ERP44: variants seen among roughly 807,000 people sequenced by gnomAD.
ERP44 encodes the protein endoplasmic reticulum resident protein 44.
Under a neutral mutation model 53.4 loss-of-function variants are expected in ERP44, and 25 were observed. The ratio of observed to expected loss-of-function variants is 0.47; its 90% CI spans 0.34 to 0.65. The LOEUF is 0.65. Among genes scored for constraint, ERP44 ranks in the 30% least tolerant of loss-of-function variants. The pLI is 0.01. For missense variants in ERP44, 338 were observed against 493.2 expected (o/e 0.69, Z 2.98); for synonymous variants, 145 against 161.2 (o/e 0.90, Z 0.76).
chr9:100,022,266 T>C (rs761380070), intron 4 of ERP44, 40 bp from the exon 5 acceptor site: 33 of 1,557,522 alleles, frequency 2.1e-5, no homozygotes, highest in Non-Finnish European at 2.6e-5. Context: ...TCATATGTAG[T>C]CAGGGCAAGC....
intron 1 of ERP44, among the ~76,000 whole-genome samples, chr9:100,062,265 T>C (rs1044979031): frequency 1.3e-5 from 2 of 152,226 alleles, no homozygotes; most frequent in Admixed American, 6.5e-5. Flanking sequence ...TTATATTAAA[T>C]AAATTTGTAT....
chr9:100,098,689 C>A, intron 1 of ERP44, 95 bp downstream of exon 1: 1 of 1,059,608 alleles, frequency 9.4e-7, no homozygotes, highest in South Asian at 1.3e-5. Flanking sequence ...CAGGAAAAGA[C>A]GGAAAAGCAG....
chr9:100,029,251 C>T (rs1480727853), intron 4 of ERP44, among the ~76,000 whole-genome samples: 2 of 152,084 alleles, frequency 1.3e-5, no homozygotes, highest in African/African-American at 4.8e-5. Context: ...AAGAGGCAAC[C>T]TGAGAATTAG....
At chr9:100,005,076 T>C (rs1048717323) in intron 10 of ERP44, among the ~76,000 whole-genome samples, 2 of 152,224 alleles carry the variant, frequency 1.3e-5, no homozygotes, top group Admixed American at 1.3e-4. Flanking sequence ...GTAAGGACTT[T>C]CATGTGTTAG....
chr9:99,979,931 T>C lies in ERP44; in HGVS notation c.*2681A>G, dbSNP rs1830130891. The C allele has an allele frequency of 5.0e-6, 2 of 398,488 alleles. No individual in the cohort carries two copies. Among genetic ancestry groups the C allele is most frequent in the Non-Finnish European group, 8.9e-6 (2 of 225,972 alleles). The allele number at this position is 398,488 out of a possible 1,614,324, so 24.7% of individuals were successfully genotyped here. A position where few individuals can be genotyped will look rare whatever the true frequency, so the allele number is the denominator to read the frequency against. ...CCTACAATATATACTACAAACCCCT[T>C]AGTCTGGCACACAAGGCCCTGTGTG... is the stretch of plus-strand genomic sequence containing the variant. On this transcript the variant is annotated 3_prime_UTR_variant, in exon 12 of 12. Transcript: ENST00000262455.
intron 4 of ERP44, among the ~76,000 whole-genome samples, chr9:100,049,377 G>A (rs1826012412): frequency 1.3e-5 from 2 of 152,142 alleles, no homozygotes; most frequent in South Asian, 4.2e-4. Flanking sequence ...CAGCCTGGGC[G>A]AGACAGTGAG....
intron 10 of ERP44, among the ~76,000 whole-genome samples, chr9:100,004,660 G>A (rs1299225634): frequency 6.6e-6 from 1 of 152,128 alleles, no homozygotes; most frequent in Non-Finnish European, 1.5e-5. Flanking sequence ...TGGGGTTGGG[G>A]GAGGGGTGGT....
intron 4 of ERP44, among the ~76,000 whole-genome samples, chr9:100,044,942 G>A (rs577565859): frequency 2.0e-5 from 3 of 152,158 alleles, no homozygotes; most frequent in South Asian, 2.1e-4. Flanking sequence ...AGAAATGGGC[G>A]AATTCTCCAT....
chr9:100,048,975 T>G (rs1392182117), intron 4 of ERP44, among the ~76,000 whole-genome samples: 1 of 152,244 alleles, frequency 6.6e-6, no homozygotes, highest in Non-Finnish European at 1.5e-5. Context: ...AGTATTAAAT[T>G]GTACAATTTA....
intron 1 of ERP44, among the ~76,000 whole-genome samples, chr9:100,068,706 G>C (rs1587980416): frequency 6.8e-6 from 1 of 147,706 alleles, no homozygotes. Flanking sequence ...CCCCGTCCGG[G>C]AGGTGAGGGG....
intron 4 of ERP44, among the ~76,000 whole-genome samples, chr9:100,026,206 C>G (rs1226783483): frequency 6.6e-6 from 1 of 152,128 alleles, no homozygotes; most frequent in Non-Finnish European, 1.5e-5. Flanking sequence ...ATATACAAAC[C>G]TGGGGAGTTG....
intron 10 of ERP44, among the ~76,000 whole-genome samples, chr9:100,006,220 AT>A (rs765550633): frequency 1.3e-5 from 2 of 152,130 alleles, no homozygotes; most frequent in African/African-American, 2.4e-5. Flanking sequence ...CAAGACAAAA[AT>A]TTTCTTTGAG....
At chr9:100,043,572 T>C (rs1472830315) in intron 4 of ERP44, among the ~76,000 whole-genome samples, 1 of 151,954 alleles carries the variant, frequency 6.6e-6, no homozygotes, top group Non-Finnish European at 1.5e-5. Context: ...CTGGCCAACA[T>C]GGTGAGACCC....
At chr9:100,048,100 CCA>C (rs2118700567) in intron 4 of ERP44, among the ~76,000 whole-genome samples, 1 of 151,934 alleles carries the variant, frequency 6.6e-6, no homozygotes, top group African/African-American at 2.4e-5. Context: ...AAAATAGAGC[CCA>C]CAGAGTCACA....
intron 1 of ERP44, among the ~76,000 whole-genome samples, chr9:100,060,924 G>C (rs953920153): frequency 6.6e-6 from 1 of 152,152 alleles, no homozygotes; most frequent in Non-Finnish European, 1.5e-5. Context: ...TTGAAATAGA[G>C]TTTGTGTATG....
chr9:100,064,108 G>A (rs964685202), intron 1 of ERP44, among the ~76,000 whole-genome samples: 2 of 151,804 alleles, frequency 1.3e-5, no homozygotes, highest in African/African-American at 4.8e-5. Flanking sequence ...CTTTCTATAG[G>A]GTGTTAACAT....
intron 1 of ERP44, among the ~76,000 whole-genome samples, chr9:100,077,087 C>T (rs1045587738): frequency 6.6e-6 from 1 of 152,178 alleles, no homozygotes; most frequent in Admixed American, 6.5e-5. Context: ...TATACTGGAC[C>T]TCTTCTATCA....
intron 1 of ERP44, among the ~76,000 whole-genome samples, chr9:100,060,562 C>T (rs900029864): frequency 1.3e-5 from 2 of 152,142 alleles, no homozygotes; most frequent in African/African-American, 4.8e-5. Context: ...CTGATTCTAT[C>T]CTGCCATGTT....
At chr9:100,021,964 C>T (rs1564091670) in intron 5 of ERP44, 78 bp downstream of exon 5, 8 of 1,304,794 alleles carry the variant, frequency 6.1e-6, no homozygotes, top group Admixed American at 1.9e-5. Context: ...GGAGAATGTC[C>T]AGATTTTTTG....
Sources: gnomAD v4.1 joint callset for allele counts (sites outside exome capture counted in the v4.1 genomes callset) on GRCh38, gnomAD v4.1.1 for gene constraint, MANE v1.5 for transcripts, NCBI Gene and HGNC (gene_info 2026-07-23, HGNC 2026-07-21) for gene names.